The following ALMS1 variants were observed in gnomAD, a reference collection of about 807,000 sequenced individuals.
ALMS1 encodes the protein ALMS1 centrosome and basal body associated protein.
A neutral mutation model predicts 352.2 loss-of-function variants in ALMS1; 271 were observed. The ratio of observed to expected loss-of-function variants is 0.77; its 90% CI spans 0.70 to 0.85. The LOEUF is 0.85. ALMS1 is among the 40% of genes least tolerant of loss of function. The pLI, the probability that ALMS1 is intolerant of heterozygous loss-of-function variation, is 0.00. For missense variants in ALMS1, 5,445 were observed against 4,870.7 expected, an observed-to-expected ratio of 1.12 and a Z score of -3.51; for synonymous variants, 1,865 against 1,761.2, an observed-to-expected ratio of 1.06 and a Z score of -1.48.
At chr2:73,430,414 T>C (rs1671476757) in intron 6 of ALMS1, among the ~76,000 whole-genome samples, 2 of 152,226 alleles carry the variant, frequency 1.3e-5, no homozygotes, top group African/African-American at 2.4e-5. Context: ...TTTGAAACTT[T>C]AACATAATGA....
At chr2:73,581,524 A>G (rs13399489) in intron 16 of ALMS1, among the ~76,000 whole-genome samples, 5,045 of 152,292 alleles carry the variant, frequency 0.033, 284 homozygotes, top group African/African-American at 0.11. Context: ...CCTTGTGCTG[A>G]TGGCCTTTCT....
chr2:73,419,236 C>T lies in ALMS1; in HGVS notation c.564C>T (p.Pro188=), dbSNP rs1671239663. ...AAGATACTGAAGTGACAGACTTCCCCTCTCTGGAGGAGGGCATATTGACGC... is the reference window on the plus strand; with the variant it reads ...AAGATACTGAAGTGACAGACTTCCCTTCTCTGGAGGAGGGCATATTGACGC... ...RTEDTEVTDF[P]SLEEGILTQS... The change falls in exon 3 of 23, where the codon CCC becomes CCT. Residue 188 remains proline (P), a synonymous_variant. Transcript: ENST00000613296. The T allele has an allele frequency of 1.2e-6, 2 of 1,613,928 alleles. No individual in the cohort carries two copies. Among genetic ancestry groups the T allele is most frequent in the Non-Finnish European group, 1.7e-6 (2 of 1,179,954 alleles).
intron 2 of ALMS1, among the ~76,000 whole-genome samples, chr2:73,415,408 A>C (rs1671165075): frequency 1.3e-5 from 2 of 151,988 alleles, no homozygotes; most frequent in African/African-American, 4.8e-5. Flanking sequence ...ATAGGAAGGA[A>C]ATCACTGAAA....
Position 73,608,101 on chromosome 2 carries a change from C to T in ALMS1, c.12363-374C>T, listed in dbSNP as rs1675853419. Among the ~76,000 whole-genome samples, 3 of 152,300 alleles carry T rather than the reference C, an allele frequency of 2.0e-5. No homozygotes were observed. The South Asian group carries it at 6.2e-4, about 32-fold the overall frequency. On this transcript the variant is annotated intron_variant, in intron 21 of 22. Coordinates refer to ENST00000613296, the MANE Select transcript of ALMS1 (RefSeq NM_001378454.1). ...ATTTTAGTACTTTTCCATAATTTCA[C>T]TTGTGTTTCCAAACACAATAGTAAC...
intron 1 of ALMS1, among the ~76,000 whole-genome samples, chr2:73,405,522 A>G (rs1670955011): frequency 6.6e-6 from 1 of 151,410 alleles, no homozygotes; most frequent in African/African-American, 2.4e-5. Context: ...TTATATTTTC[A>G]AATAACTATT....
chr2:73,473,906 G>A (rs1039936142), intron 9 of ALMS1, among the ~76,000 whole-genome samples: 2 of 141,870 alleles, frequency 1.4e-5, no homozygotes, highest in East Asian at 2.2e-4. Flanking sequence ...ATGCATTATG[G>A]GATTCTTAGA....
intron 2 of ALMS1, among the ~76,000 whole-genome samples, chr2:73,409,282 T>A (rs1671031847): frequency 6.6e-6 from 1 of 152,114 alleles, no homozygotes; most frequent in Non-Finnish European, 1.5e-5. Flanking sequence ...TATTTTTAGT[T>A]TAAAAATTTT....
chr2:73,478,843 C>A (rs1469661625), intron 9 of ALMS1, among the ~76,000 whole-genome samples: 1 of 152,044 alleles, frequency 6.6e-6, no homozygotes, highest in Non-Finnish European at 1.5e-5. Flanking sequence ...CCCCTTGCCC[C>A]TGACCCCACC....
At chr2:73,445,480 C>T (rs1332201854) in intron 7 of ALMS1, among the ~76,000 whole-genome samples, 1 of 152,044 alleles carries the variant, frequency 6.6e-6, no homozygotes, top group African/African-American at 2.4e-5. Flanking sequence ...AGTATTAAAA[C>T]CCATAATAAT....
At chr2:73,402,270 CTTTTTTT>C (rs61360284) in intron 1 of ALMS1, among the ~76,000 whole-genome samples, 1 of 122,832 alleles carries the variant, frequency 8.1e-6, no homozygotes, top group South Asian at 2.6e-4. Flanking sequence ...TTCTCTCTCT[CTTTTTTT>C]TTTTTTTTTT....
At chr2:73,391,330 G>A (rs1670641372) in intron 1 of ALMS1, among the ~76,000 whole-genome samples, 2 of 117,252 alleles carry the variant, frequency 1.7e-5, no homozygotes, top group African/African-American at 7.4e-5. Context: ...GTCTCGCTCT[G>A]TCACCCAGGC....
In ALMS1 at chr2:73,593,782, C is replaced by T. The variant is rs72913457; in HGVS notation, c.11548-5619C>T. ...CTCTGCCACAGCCTGCAGGCAACCA[C>T]TAATGACTTTCTGTTTCTATGGATT... On this transcript the variant is annotated intron_variant, in intron 16 of 22. Transcript: ENST00000613296. Among the ~76,000 whole-genome samples the T allele has an allele frequency of 2.6e-3, 398 of 152,310 alleles. 3 individuals are homozygous for T. The highest frequency in any genetic ancestry group is 9.0e-3 in the African/African-American group (376 of 41,574).
chr2:73,534,729 A>G (rs1057430219), intron 11 of ALMS1, 95 bp from the exon 12 acceptor site: 63 of 1,390,166 alleles, frequency 4.5e-5, no homozygotes, highest in Middle Eastern at 3.6e-4. Flanking sequence ...TCCAAAAGTC[A>G]TGAACACTGC....
intron 15 of ALMS1, among the ~76,000 whole-genome samples, chr2:73,566,317 C>T (rs560138219): frequency 6.6e-6 from 1 of 152,262 alleles, no homozygotes; most frequent in South Asian, 2.1e-4. Context: ...CCATTACTAA[C>T]TACAGTTAGG....
intron 15 of ALMS1, among the ~76,000 whole-genome samples, chr2:73,560,263 A>G (rs1674629540): frequency 6.6e-6 from 1 of 152,204 alleles, no homozygotes; most frequent in Admixed American, 6.5e-5. Context: ...ACAATAGAAG[A>G]TATACAAATG....
At chr2:73,498,953 T>G (rs1299795971) in intron 10 of ALMS1, among the ~76,000 whole-genome samples, 1 of 152,216 alleles carries the variant, frequency 6.6e-6, no homozygotes, top group Non-Finnish European at 1.5e-5. Context: ...CTTTTGGGTA[T>G]ATACTCAGCA....
At chr2:73,494,829 C>T (rs974693185) in intron 10 of ALMS1, among the ~76,000 whole-genome samples, 28 of 152,290 alleles carry the variant, frequency 1.8e-4, no homozygotes, top group African/African-American at 6.3e-4. Flanking sequence ...AGATACTAAA[C>T]ATTTGAGGGA....
At chr2:73,560,027 C>T (rs1340008869) in intron 15 of ALMS1, among the ~76,000 whole-genome samples, 2 of 152,078 alleles carry the variant, frequency 1.3e-5, no homozygotes, top group East Asian at 3.9e-4. Context: ...CAAAAATAGA[C>T]CAATGAAACT....
At chr2:73,398,571 A>G (rs545232393) in intron 1 of ALMS1, among the ~76,000 whole-genome samples, 1 of 152,330 alleles carries the variant, frequency 6.6e-6, no homozygotes, top group East Asian at 1.9e-4. Context: ...GTATTTCATG[A>G]AGTTGAAATA....
Sources: gnomAD v4.1 joint callset for allele counts (sites outside exome capture counted in the v4.1 genomes callset) on GRCh38, gnomAD v4.1.1 for gene constraint, MANE v1.5 for transcripts, NCBI Gene and HGNC (gene_info 2026-07-23, HGNC 2026-07-21) for gene names.